NRXN3: variants seen among roughly 807,000 people sequenced by gnomAD.
The protein encoded by NRXN3 is neurexin 3.
NRXN3 carries 32 observed loss-of-function variants against 137.6 expected under a neutral mutation model. That is an observed-to-expected ratio of 0.23 (90% CI 0.18 to 0.31). The LOEUF (loss-of-function observed/expected upper bound fraction) is 0.31, where lower values mean the gene tolerates loss of function less well. Ranked by LOEUF, NRXN3 falls within the 10% of genes least tolerant of loss-of-function variation. The probability of loss-of-function intolerance (pLI) is 1.00; values close to 1 mark genes in which losing one functional copy is unlikely to be tolerated. For missense variants in NRXN3, 1,574 were observed against 2,062.5 expected (o/e 0.76, Z 4.59); for synonymous variants, 798 against 784.5 (o/e 1.02, Z -0.29).
At chr14:79,596,732 C>G (rs769704311) in intron 16 of NRXN3, among the ~76,000 whole-genome samples, 41 of 151,996 alleles carry the variant, frequency 2.7e-4, no homozygotes, top group South Asian at 4.1e-4. Context: ...TGACCTGTCT[C>G]TGGTCGGGGA....
At chr14:79,597,931 G>A (rs1398241012) in intron 16 of NRXN3, among the ~76,000 whole-genome samples, 1 of 152,172 alleles carries the variant, frequency 6.6e-6, no homozygotes, top group Admixed American at 6.5e-5. Context: ...ATGCTAAAAT[G>A]TACTCTAACG....
intron 8 of NRXN3, among the ~76,000 whole-genome samples, chr14:78,802,894 G>A (rs368584038): frequency 6.6e-6 from 1 of 152,070 alleles, no homozygotes; most frequent in African/African-American, 2.4e-5. Flanking sequence ...TGCAGTGAGC[G>A]AAGATCACAC....
At chr14:78,264,319 C>A (rs2071326328) in intron 2 of NRXN3, among the ~76,000 whole-genome samples, 1 of 152,150 alleles carries the variant, frequency 6.6e-6, no homozygotes, top group African/African-American at 2.4e-5. Context: ...CCCAGCCTCC[C>A]CAAGAAATGG....
intron 15 of NRXN3, among the ~76,000 whole-genome samples, chr14:79,266,986 GTC>G: frequency 6.6e-6 from 1 of 152,190 alleles, no homozygotes; most frequent in East Asian, 1.9e-4. Context: ...AAATGTTTTG[GTC>G]ATCACTTAAC....
intron 4 of NRXN3, among the ~76,000 whole-genome samples, chr14:78,486,458 C>A (rs560324196): frequency 2.0e-5 from 3 of 152,282 alleles, no homozygotes; most frequent in South Asian, 2.1e-4. Flanking sequence ...TTTCTTTGAT[C>A]TGGAGGATCA....
intron 1 of NRXN3, among the ~76,000 whole-genome samples, chr14:78,223,031 G>C (rs1567003561): frequency 6.6e-6 from 1 of 152,152 alleles, no homozygotes; most frequent in Non-Finnish European, 1.5e-5. Flanking sequence ...CAAATATTTA[G>C]GGTCCTCTTG....
At chr14:79,372,714 A>T (rs1283501480) in intron 15 of NRXN3, among the ~76,000 whole-genome samples, 1 of 152,116 alleles carries the variant, frequency 6.6e-6, no homozygotes, top group African/African-American at 2.4e-5. Flanking sequence ...TATGTGAATG[A>T]TTTTAATATT....
intron 8 of NRXN3, among the ~76,000 whole-genome samples, chr14:78,780,889 T>C (rs554001091): frequency 6.6e-6 from 1 of 152,292 alleles, no homozygotes; most frequent in Admixed American, 6.5e-5. Context: ...TGAAATACAA[T>C]TTAGCATTGA....
At position 79,738,816 on chromosome 14, in the gene NRXN3, C is replaced by T. The variant is rs2098951026; in HGVS notation, c.4014+40879C>T. On this transcript the variant is annotated intron_variant, in intron 19 of 20. Transcript: ENST00000335750. Reference sequence around the variant, plus strand: ...CCAAGTGATCCATCTGCCTCGGCCTCCCCAAGTGCTGGGATTACAGACATG... The same window carrying T: ...CCAAGTGATCCATCTGCCTCGGCCTTCCCAAGTGCTGGGATTACAGACATG... 5.3e-5 allele frequency among the ~76,000 whole-genome samples: 8 copies of T among 152,250 alleles called. No homozygotes were observed. The South Asian group carries it at 1.7e-3, about 32-fold the overall frequency.
intron 4 of NRXN3, among the ~76,000 whole-genome samples, chr14:78,631,909 C>T (rs1443120190): frequency 2.0e-5 from 3 of 151,946 alleles, no homozygotes; most frequent in East Asian, 3.9e-4. Flanking sequence ...AGATCAAGAC[C>T]ATCCTGGCTA....
intron 3 of NRXN3, among the ~76,000 whole-genome samples, chr14:78,281,581 G>C (rs569030456): frequency 6.6e-6 from 1 of 152,302 alleles, no homozygotes; most frequent in Admixed American, 6.5e-5. Flanking sequence ...TCCACTTCAT[G>C]GGGTGAAATC....
rs529835468 is a variant in NRXN3 at position 79,768,661 on chromosome 14, C to T, written c.4015-36451C>T. Among the ~76,000 whole-genome samples the T allele has an allele frequency of 5.6e-4, 86 of 152,300 alleles. 1 individual carries two copies. The South Asian group carries it at 0.018, about 31-fold the overall frequency. ...CAAAGACCAAAAGTAGATAAAACCA[C>T]AAAGATGGGGAAAATACAGAGCAGA... On this transcript the variant is annotated intron_variant, in intron 19 of 20. Transcript: ENST00000335750.
At chr14:79,365,725 C>CAAAAAAAAAAAA (rs569855024) in intron 15 of NRXN3, among the ~76,000 whole-genome samples, 675 of 42,148 alleles carry the variant, frequency 0.016, 55 homozygotes, top group Non-Finnish European at 0.022. Context: ...GACTCTGTCT[C>CAAAAAAAAAAAA]AAAAAAAAAA....
At chr14:79,600,601 C>T (rs567792579) in intron 16 of NRXN3, among the ~76,000 whole-genome samples, 7 of 152,296 alleles carry the variant, frequency 4.6e-5, no homozygotes, top group African/African-American at 1.4e-4. Context: ...GTGAGACCAA[C>T]AGCGTTAGAT....
intron 15 of NRXN3, among the ~76,000 whole-genome samples, chr14:79,273,172 CAAAAAAAAA>C (rs1163073631): frequency 4.8e-5 from 1 of 20,752 alleles, no homozygotes; most frequent in Non-Finnish European, 7.8e-5. Flanking sequence ...ACTCTGTGGC[CAAAAAAAAA>C]AAAAAAAAAA....
rs139249621 is a variant in NRXN3, at chr14:79,459,135, C to T, written c.3263-8086C>T. Among the ~76,000 whole-genome samples, 1,435 of 152,070 alleles carry T rather than the reference C, an allele frequency of 9.4e-3. 14 individuals are homozygous for T. The highest frequency in any genetic ancestry group is 0.021 in the Middle Eastern group (6 of 292). On this transcript the variant is annotated intron_variant, in intron 15 of 20. Transcript: ENST00000335750. ...CCTGGATTAAAGTCCTAATTCCATT[C>T]GATATTTGGTAAAAGATCTTGGCAA...
intron 16 of NRXN3, among the ~76,000 whole-genome samples, chr14:79,543,374 GGGTGGAGAT>G (rs1175527724): frequency 6.6e-6 from 1 of 152,214 alleles, no homozygotes. Flanking sequence ...ACACAGCCAA[GGGTGGAGAT>G]GGTCAGTGAG....
intron 8 of NRXN3, among the ~76,000 whole-genome samples, chr14:78,755,190 ATTTT>A (rs34214778): frequency 7.6e-6 from 1 of 131,584 alleles, no homozygotes. Flanking sequence ...TAGTTTTTGT[ATTTT>A]TTTTTTTTTT....
At chr14:78,335,089 C>T (rs760398924) in intron 4 of NRXN3, among the ~76,000 whole-genome samples, 1 of 152,144 alleles carries the variant, frequency 6.6e-6, no homozygotes, top group South Asian at 2.1e-4. Context: ...GTTTCAAGCC[C>T]ACCCTTACCC....
Sources: gnomAD v4.1 joint callset for allele counts (sites outside exome capture counted in the v4.1 genomes callset) on GRCh38, gnomAD v4.1.1 for gene constraint, MANE v1.5 for transcripts, NCBI Gene and HGNC (gene_info 2026-07-23, HGNC 2026-07-21) for gene names.